LPIN1: variants seen among roughly 807,000 people sequenced by gnomAD.
LPIN1 encodes the protein phosphatidate phosphatase LPIN1.
A neutral mutation model predicts 107.5 loss-of-function variants in LPIN1; 71 were observed. The ratio of observed to expected loss-of-function variants is 0.66; its 90% CI spans 0.55 to 0.80. LPIN1 has a LOEUF of 0.80. Ranked by LOEUF, LPIN1 falls within the 30% of genes least tolerant of loss-of-function variation. LPIN1 has a pLI of 0.00. For synonymous variants in LPIN1, 445 were observed against 452.6 expected (o/e 0.98, Z 0.21); for missense variants, 1,043 against 1,160.6 (o/e 0.90, Z 1.47).
At chr2:11,808,676 C>A (rs1679131067) in intron 17 of LPIN1, among the ~76,000 whole-genome samples, 1 of 152,036 alleles carries the variant, frequency 6.6e-6, no homozygotes, top group South Asian at 2.1e-4. Context: ...GAGTTTGAGA[C>A]CAGCCTGGCC....
chr2:11,762,209 T>G (rs1046478973), intron 1 of LPIN1, among the ~76,000 whole-genome samples: 20 of 152,136 alleles, frequency 1.3e-4, no homozygotes, highest in African/African-American at 4.8e-4. Flanking sequence ...AGTAGCCAGA[T>G]GGAAGGGTGC....
chr2:11,694,362 G>T (rs1662465059), intron 1 of LPIN1, among the ~76,000 whole-genome samples: 1 of 152,154 alleles, frequency 6.6e-6, no homozygotes. Flanking sequence ...CGCCACCATG[G>T]CTTCTAGTCT....
At chr2:11,801,715 G>T (rs555395635) in intron 14 of LPIN1, among the ~76,000 whole-genome samples, 1 of 152,126 alleles carries the variant, frequency 6.6e-6, no homozygotes, top group African/African-American at 2.4e-5. Context: ...ATAGTTAACG[G>T]CAATTTATTA....
Position 11,819,719 on chromosome 2 carries a change from C to G in LPIN1, c.2517+121C>G, listed in dbSNP as rs113376832. 9.9e-4 allele frequency: 804 copies of G among 810,938 alleles called. 6 individuals are homozygous for G. The African/African-American group carries it at 0.012, about 12-fold the overall frequency. 50.2% of individuals were successfully genotyped at this position (810,938 alleles called of 1,614,324 possible). A position where few individuals can be genotyped will look rare whatever the true frequency, so the allele number is the denominator to read the frequency against. ...CAGATTCTCATCCCAGAAGCAGTAGCCTGGTGAAGAGCCACTTGCCCACAT... is the reference window on the plus strand; with the variant it reads ...CAGATTCTCATCCCAGAAGCAGTAGGCTGGTGAAGAGCCACTTGCCCACAT... On this transcript the variant is annotated intron_variant, in intron 19 of 20. Transcript: ENST00000674199.
intron 1 of LPIN1, among the ~76,000 whole-genome samples, chr2:11,729,408 G>C (rs1664975941): frequency 6.6e-6 from 1 of 152,214 alleles, no homozygotes; most frequent in Non-Finnish European, 1.5e-5. Context: ...ATATTCCCAA[G>C]TCTTTCCTCC....
rs375461301 is a variant in LPIN1, at chr2:11,772,419, A to G, written c.596+740A>G. ...TTGGCTGATCGCTTTAGCAGCCTGG[A>G]ATGGAGTCAAGAAACAGGAACTGAG... On this transcript the variant is annotated intron_variant, in intron 4 of 20. Coordinates refer to ENST00000674199, the MANE Select transcript of LPIN1 (RefSeq NM_001349206.2). Among the ~76,000 whole-genome samples the G allele has an allele frequency of 6.6e-5, 10 of 152,350 alleles. No individual in the cohort carries two copies. The East Asian group carries it at 1.3e-3, about 21-fold the overall frequency.
intron 1 of LPIN1, among the ~76,000 whole-genome samples, chr2:11,740,446 C>T (rs1163760032): frequency 2.0e-5 from 3 of 152,002 alleles, no homozygotes; most frequent in Admixed American, 6.6e-5. Context: ...TTTGCGAGGT[C>T]GAAGCAGGCA....
chr2:11,678,510 T>C (rs538098179), intron 1 of LPIN1, among the ~76,000 whole-genome samples: 144 of 152,230 alleles, frequency 9.5e-4, no homozygotes, highest in African/African-American at 3.3e-3. Flanking sequence ...GAGGCTGAGA[T>C]GGCAGTGAGA....
chr2:11,779,343 G>C (rs532856178), intron 6 of LPIN1, among the ~76,000 whole-genome samples, 176 bp from the exon 7 acceptor site: 1 of 152,330 alleles, frequency 6.6e-6, no homozygotes, highest in Non-Finnish European at 1.5e-5. Flanking sequence ...CGCCTTCCAT[G>C]GGAGGCGCTT....
At chr2:11,725,709 T>C (rs1465673513) in intron 1 of LPIN1, among the ~76,000 whole-genome samples, 1 of 152,122 alleles carries the variant, frequency 6.6e-6, no homozygotes, top group Non-Finnish European at 1.5e-5. Context: ...TGTTTCTGAG[T>C]TGGGAAAAGG....
intron 1 of LPIN1, among the ~76,000 whole-genome samples, chr2:11,710,808 G>A (rs1663368997): frequency 6.6e-6 from 1 of 151,940 alleles, no homozygotes; most frequent in Admixed American, 6.5e-5. Context: ...ACTGCTTGAT[G>A]CCAGAATCCA....
intron 13 of LPIN1, among the ~76,000 whole-genome samples, chr2:11,795,038 C>A (rs570099994): frequency 2.0e-5 from 3 of 152,156 alleles, no homozygotes; most frequent in Non-Finnish European, 4.4e-5. Flanking sequence ...TATTTTCAAG[C>A]GTTTCTATCA....
intron 1 of LPIN1, among the ~76,000 whole-genome samples, chr2:11,731,394 G>T (rs963835605): frequency 2.6e-5 from 4 of 152,172 alleles, no homozygotes; most frequent in African/African-American, 9.7e-5. Flanking sequence ...TCCCTGCAAA[G>T]GACATGAGCT....
chr2:11,749,783 A>G lies in LPIN1; in HGVS notation c.-10+3112A>G, dbSNP rs116111233. Among the ~76,000 whole-genome samples the G allele has an allele frequency of 2.4e-3, 365 of 152,336 alleles. 3 individuals are homozygous for G. The highest frequency in any genetic ancestry group is 6.7e-3 in the African/African-American group (277 of 41,578). ...ATGGACTGGGCTCCATCAGGAGAGA[A>G]GCCAGAAGCATTTTCACACCGGTGG... On this transcript the variant is annotated intron_variant, in intron 1 of 20. Transcript: ENST00000674199.
chr2:11,723,453 C>T (rs62113264), upstream of LPIN1: 10,368 of 152,138 alleles, frequency 0.068, 472 homozygotes, highest in Middle Eastern at 0.14. Flanking sequence ...GTCAGGAGAT[C>T]GAGATCATCC....
intron 1 of LPIN1, among the ~76,000 whole-genome samples, chr2:11,692,082 C>T (rs541477783): frequency 6.6e-6 from 1 of 152,348 alleles, no homozygotes; most frequent in East Asian, 1.9e-4. Context: ...AACCCTAACC[C>T]TTGTTTTCCG....
chr2:11,699,864 G>C (rs1377725388), intron 1 of LPIN1, among the ~76,000 whole-genome samples: 1 of 152,084 alleles, frequency 6.6e-6, no homozygotes, highest in Non-Finnish European at 1.5e-5. Flanking sequence ...AGAGGAGCCG[G>C]TTGGCTGGAC....
In LPIN1 at chr2:11,779,533, G is replaced by C; in HGVS notation, c.845G>C (p.Arg282Pro). Residue 282 changes from arginine (R) to proline (P), a missense_variant, in exon 7 of 21, where the codon CGA (arginine) becomes CCA (proline). Arg to Pro is a moderately radical substitution (Grantham distance 103). Coordinates refer to ENST00000674199, the MANE Select transcript of LPIN1 (RefSeq NM_001349206.2). ...FHPSESPSGSRPSTPKSDSEL... is the reference protein window; with the variant it reads ...FHPSESPSGSPPSTPKSDSEL... ...TTTTCCTTAAGTCCTTCCGGTTCCC[G>C]ACCTTCAACACCTAAAAGTGATTCA... The C allele has an allele frequency of 6.2e-7, 1 of 1,613,708 alleles. No homozygotes were observed. The highest frequency in any genetic ancestry group is 8.5e-7 in the Non-Finnish European group (1 of 1,179,974).
At chr2:11,766,363 A>G (rs1186050007) in intron 2 of LPIN1, among the ~76,000 whole-genome samples, 1 of 152,284 alleles carries the variant, frequency 6.6e-6, no homozygotes, top group African/African-American at 2.4e-5. Context: ...GAAGAAGGAT[A>G]AAGTTCATAA....
Sources: gnomAD v4.1 joint callset for allele counts (sites outside exome capture counted in the v4.1 genomes callset) on GRCh38, gnomAD v4.1.1 for gene constraint, MANE v1.5 for transcripts, NCBI Gene and HGNC (gene_info 2026-07-23, HGNC 2026-07-21) for gene names.